STK33: variants seen among roughly 807,000 people sequenced by gnomAD.
STK33 encodes serine/threonine-protein kinase 33.
Under a neutral mutation model 58.0 loss-of-function variants are expected in STK33, and 52 were observed. The observed-to-expected ratio is 0.90, with a 90% CI of 0.72 to 1.13. The LOEUF (loss-of-function observed/expected upper bound fraction) is 1.13, where lower values mean the gene tolerates loss of function less well. STK33 is among the 50% of genes most tolerant of loss of function. STK33 has a pLI of 0.00. For missense variants in STK33, 630 were observed against 604.2 expected, an observed-to-expected ratio of 1.04 and a Z score of -0.45; for synonymous variants, 215 against 200.1, an observed-to-expected ratio of 1.07 and a Z score of -0.63.
intron 12 of STK33, among the ~76,000 whole-genome samples, chr11:8,438,016 A>G (rs1480345583): frequency 6.6e-6 from 1 of 152,220 alleles, no homozygotes; most frequent in Non-Finnish European, 1.5e-5. Context: ...ATTACTATCT[A>G]TTAAAACAGT....
At chr11:8,459,116 T>C (rs893955683) in intron 8 of STK33, among the ~76,000 whole-genome samples, 19 of 152,222 alleles carry the variant, frequency 1.2e-4, no homozygotes, top group Admixed American at 2.6e-4. Flanking sequence ...ACTTGAAATA[T>C]AAATTGGTCA....
chr11:8,562,479 T>C (rs1447131741), intron 1 of STK33, among the ~76,000 whole-genome samples: 1 of 150,358 alleles, frequency 6.7e-6, no homozygotes, highest in Non-Finnish European at 1.5e-5. Flanking sequence ...CCACTTTCAG[T>C]GAAATCTGCA....
chr11:8,406,026 C>T (rs964007543), intron 15 of STK33, among the ~76,000 whole-genome samples: 8 of 151,726 alleles, frequency 5.3e-5, no homozygotes, highest in African/African-American at 1.9e-4. Flanking sequence ...GCCTGTAGTC[C>T]CAGCTACTCC....
chr11:8,460,489 T>C (rs960730014), intron 8 of STK33, among the ~76,000 whole-genome samples: 15 of 151,596 alleles, frequency 9.9e-5, no homozygotes, highest in African/African-American at 3.6e-4. Context: ...ACAGAAACTA[T>C]ACAAAATGAA....
rs951332557 is a variant in STK33, at chr11:8,392,679, G to A, written c.1376C>T (p.Thr459Ile). Residue 459 changes from threonine (T) to isoleucine (I), a missense_variant, in exon 16 of 16, where the codon ACC (threonine) becomes ATC (isoleucine). Coordinates refer to ENST00000687296, the MANE Select transcript of STK33 (RefSeq NM_001352389.2). Reference protein sequence around the residue: ...STAYEKQFPATSKDNFDMCSS... With the variant: ...STAYEKQFPAISKDNFDMCSS... ...GCACATATCAAAGTTGTCCTTACTGGTTGCAGGAAATTGCTTTTCATAAGC... is the reference window on the plus strand; with the variant it reads ...GCACATATCAAAGTTGTCCTTACTGATTGCAGGAAATTGCTTTTCATAAGC... The A allele has an allele frequency of 6.2e-7, 1 of 1,614,070 alleles. No individual in the cohort carries two copies. Among genetic ancestry groups the A allele is most frequent in the African/African-American group, 1.3e-5 (1 of 74,912 alleles).
chr11:8,393,250 T>G (rs993672396), intron 15 of STK33, among the ~76,000 whole-genome samples: 1 of 152,156 alleles, frequency 6.6e-6, no homozygotes, highest in Non-Finnish European at 1.5e-5. Context: ...TGCCCTTAAG[T>G]GGAAGCAAAT....
intron 2 of STK33, among the ~76,000 whole-genome samples, chr11:8,479,260 C>T (rs1949575575): frequency 6.6e-6 from 1 of 151,748 alleles, no homozygotes; most frequent in Non-Finnish European, 1.5e-5. Context: ...TAGAGAAACC[C>T]CATCTCTACT....
intron 4 of STK33, among the ~76,000 whole-genome samples, chr11:8,476,158 C>T (rs936071517): frequency 6.6e-6 from 1 of 152,142 alleles, no homozygotes; most frequent in Non-Finnish European, 1.5e-5. Context: ...TTTGGGGCAG[C>T]AATGTGCTCA....
chr11:8,455,886 C>T (rs919698641), intron 9 of STK33, among the ~76,000 whole-genome samples: 7 of 150,386 alleles, frequency 4.7e-5, no homozygotes, highest in Non-Finnish European at 1.0e-4. Flanking sequence ...CCTGCACTGG[C>T]AATTATACCT....
intron 1 of STK33, among the ~76,000 whole-genome samples, chr11:8,579,269 G>T (rs576983154): frequency 6.6e-6 from 1 of 151,996 alleles, no homozygotes; most frequent in African/African-American, 2.4e-5. Context: ...CCTTTCAGTG[G>T]AGCCCTTATT....
intron 1 of STK33, among the ~76,000 whole-genome samples, chr11:8,551,473 T>C (rs1440757313): frequency 6.6e-6 from 1 of 152,186 alleles, no homozygotes; most frequent in Non-Finnish European, 1.5e-5. Flanking sequence ...TCTTCAATGC[T>C]TCTGGGTCCA....
At chr11:8,386,646 C>T in the STK33 span, among the ~76,000 whole-genome samples, 1 of 152,198 alleles carries the variant, frequency 6.6e-6, no homozygotes, top group East Asian at 1.9e-4. Context: ...CCACAGAATC[C>T]GCGGAGCCTA....
At chr11:8,548,394 CTTTG>C (rs1379700685) in intron 1 of STK33, among the ~76,000 whole-genome samples, 1 of 152,030 alleles carries the variant, frequency 6.6e-6, no homozygotes, top group Non-Finnish European at 1.5e-5. Flanking sequence ...TTTCTGGAGG[CTTTG>C]TTGAAAATAA....
At chr11:8,499,730 C>T (rs1461502745) in intron 1 of STK33, among the ~76,000 whole-genome samples, 1 of 152,172 alleles carries the variant, frequency 6.6e-6, no homozygotes. Context: ...CCATGGAATA[C>T]TATGCAGCCA....
At chr11:8,529,633 G>A (rs1320045029) in intron 1 of STK33, among the ~76,000 whole-genome samples, 1 of 151,880 alleles carries the variant, frequency 6.6e-6, no homozygotes, top group Non-Finnish European at 1.5e-5. Flanking sequence ...TCCCTATAAG[G>A]AGGGAAAAAA....
intron 6 of STK33, among the ~76,000 whole-genome samples, chr11:8,469,711 G>C (rs1341566925): frequency 6.6e-6 from 1 of 152,134 alleles, no homozygotes; most frequent in Non-Finnish European, 1.5e-5. Context: ...AAATAATAAG[G>C]CTACAAAACA....
the STK33 span, among the ~76,000 whole-genome samples, chr11:8,371,390 A>G: frequency 6.6e-6 from 1 of 152,176 alleles, no homozygotes; most frequent in Non-Finnish European, 1.5e-5. Flanking sequence ...GAACTGGGAG[A>G]GGCAAGGACG....
chr11:8,354,516 A>ACACC, the STK33 span, among the ~76,000 whole-genome samples: 78 of 127,754 alleles, frequency 6.1e-4, no homozygotes, highest in Admixed American at 3.8e-3. Context: ...ACACACACAC[A>ACACC]CCCCTCAGAC....
intron 6 of STK33, among the ~76,000 whole-genome samples, chr11:8,468,576 CTT>C (rs1264606274): frequency 2.0e-4 from 31 of 152,072 alleles, no homozygotes; most frequent in East Asian, 1.9e-4. Context: ...AATATTATTG[CTT>C]TTTTGTTTAC....
Sources: gnomAD v4.1 joint callset for allele counts (sites outside exome capture counted in the v4.1 genomes callset) on GRCh38, gnomAD v4.1.1 for gene constraint, MANE v1.5 for transcripts, NCBI Gene and HGNC (gene_info 2026-07-23, HGNC 2026-07-21) for gene names.